Variants in RTTN observed in about 807,000 individuals in gnomAD.
The protein encoded by RTTN is rotatin.
RTTN carries 182 observed loss-of-function variants against 269.2 expected under a neutral mutation model. That is an observed-to-expected ratio of 0.68 (90% CI 0.60 to 0.76). The LOEUF (loss-of-function observed/expected upper bound fraction) is 0.76, where lower values mean the gene tolerates loss of function less well. Ranked by LOEUF, RTTN falls within the 30% of genes least tolerant of loss-of-function variation. The probability of loss-of-function intolerance (pLI) is 0.00; values close to 1 mark genes in which losing one functional copy is unlikely to be tolerated. For missense variants in RTTN, 2,545 were observed against 2,608.6 expected (o/e 0.98, Z 0.53); for synonymous variants, 1,006 against 963.5 (o/e 1.04, Z -0.82).
intron 10 of RTTN, among the ~76,000 whole-genome samples, chr18:70,181,972 A>G (rs2146023778): frequency 6.6e-6 from 1 of 152,300 alleles, no homozygotes; most frequent in South Asian, 2.1e-4. Context: ...TGAATGACTA[A>G]CTTTTACAGA....
At position 70,054,267 on chromosome 18, in the gene RTTN, T is replaced by A. The variant is rs1599300112; in HGVS notation, c.5049A>T (p.Glu1683Asp). The change falls in exon 38 of 49, where the codon GAA becomes GAT. Residue 1683 changes from glutamate to aspartate, a missense_variant. Physicochemically the swap from Glu to Asp is conservative, Grantham distance 45. Coordinates refer to ENST00000640769, the MANE Select transcript of RTTN (RefSeq NM_173630.4). ...HTQAQVSFLLEYLSSLSRLLQ... is the reference protein window; with the variant it reads ...HTQAQVSFLLDYLSSLSRLLQ... ...GAAGCCTGGACAAAGAGGATAGGTA[T>A]TCCAGGAGAAAGGAAACCTGTTTGA... 6.2e-7 allele frequency: 1 copy of A among 1,611,560 alleles called. No homozygotes were observed. Among genetic ancestry groups the A allele is most frequent in the Non-Finnish European group, 8.5e-7 (1 of 1,178,806 alleles).
intron 46 of RTTN, among the ~76,000 whole-genome samples, chr18:70,011,409 T>G (rs956515780): frequency 1.6e-4 from 24 of 152,184 alleles, no homozygotes; most frequent in African/African-American, 5.6e-4. Context: ...GTCCGTTTCA[T>G]CCCTGGGATG....
chr18:70,062,028 A>C (rs1033997488), intron 35 of RTTN, among the ~76,000 whole-genome samples: 1 of 152,228 alleles, frequency 6.6e-6, no homozygotes. Flanking sequence ...AAGTAGTTTC[A>C]GAATTTCTAA....
At chr18:70,177,193 C>A (rs1480012958) in intron 10 of RTTN, among the ~76,000 whole-genome samples, 1 of 152,260 alleles carries the variant, frequency 6.6e-6, no homozygotes, top group South Asian at 2.1e-4. Flanking sequence ...CGTTAACACG[C>A]AAACCCCTCG....
intron 44 of RTTN, among the ~76,000 whole-genome samples, chr18:70,023,668 C>T (rs2056770392): frequency 6.6e-6 from 1 of 152,168 alleles, no homozygotes; most frequent in African/African-American, 2.4e-5. Context: ...CTACTTCTCT[C>T]AATCTCTCCA....
Position 70,003,641 on chromosome 18 carries a change from C to T in RTTN, c.*510G>A, listed in dbSNP as rs968360941. On this transcript the variant is annotated 3_prime_UTR_variant, in exon 49 of 49. Transcript: ENST00000640769. ...TTTCCAGTGTGGATGCTCTGGATAA[C>T]AGAAAGTTTTGAAAATAAGGATTTG... 1 of 152,024 alleles carries T rather than the reference C, an allele frequency of 6.6e-6. No individual in the cohort carries two copies. Among genetic ancestry groups the T allele is most frequent in the Non-Finnish European group, 1.5e-5 (1 of 68,080 alleles). The allele number at this position is 152,024 out of a possible 1,614,324, so 9.4% of individuals were successfully genotyped here.
intron 30 of RTTN, among the ~76,000 whole-genome samples, chr18:70,090,103 G>A (rs1377237761): frequency 6.6e-6 from 1 of 152,168 alleles, no homozygotes; most frequent in Non-Finnish European, 1.5e-5. Context: ...GATTATATCA[G>A]CAAAGACATT....
chr18:70,105,205 C>T (rs975644566), intron 28 of RTTN, among the ~76,000 whole-genome samples: 12 of 152,196 alleles, frequency 7.9e-5, no homozygotes, highest in Admixed American at 3.3e-4. Flanking sequence ...TGGCGGACAC[C>T]CCTCCCCCAG....
Position 70,028,588 on chromosome 18 carries a change from TA to T in RTTN, c.5823+135del, listed in dbSNP as rs1323360815. ...CATTTCTGACAATTAACACTGAGTT[TA>T]AGGACCAATCAACTGTGTGTCTAAA... On this transcript the variant is annotated intron_variant, in intron 43 of 48. Coordinates refer to ENST00000640769, the MANE Select transcript of RTTN (RefSeq NM_173630.4). The T allele has an allele frequency of 5.4e-6, 3 of 555,950 alleles. No homozygotes were observed. In the African/African-American group the frequency reaches 5.7e-5, roughly 11 times the overall value. The allele number at this position is 555,950 out of a possible 1,614,324, so 34.4% of individuals were successfully genotyped here. A position where few individuals can be genotyped will look rare whatever the true frequency, so the allele number is the denominator to read the frequency against.
At chr18:70,151,889 C>G (rs2060548021) in intron 14 of RTTN, among the ~76,000 whole-genome samples, 1 of 152,142 alleles carries the variant, frequency 6.6e-6, no homozygotes, top group Non-Finnish European at 1.5e-5. Flanking sequence ...TTTTTCAGCT[C>G]TCCTTCCCAC....
At chr18:70,066,182 A>C (rs1282087800) in intron 34 of RTTN, among the ~76,000 whole-genome samples, 1 of 152,174 alleles carries the variant, frequency 6.6e-6, no homozygotes, top group Non-Finnish European at 1.5e-5. Context: ...TTAGGAGTTT[A>C]AGGTTCCCAT....
intron 26 of RTTN, among the ~76,000 whole-genome samples, chr18:70,116,919 A>AG (rs900177972): frequency 5.6e-4 from 85 of 151,874 alleles, no homozygotes; most frequent in South Asian, 1.3e-3. Flanking sequence ...CTTCCATCAA[A>AG]AAAATGCATT....
Position 70,150,001 on chromosome 18 carries a change from T to C in RTTN, c.2142A>G (p.Glu714=), listed in dbSNP as rs538234679. ...MTALTWNKFI[E]SLCPVIPILQ... The stretch of plus-strand genomic sequence containing the variant: ...GTATTGGGATGACAGGACAGAGAGA[T>C]TCAATAAACTTGTTCCAGGTCAATG... The change falls in exon 16 of 49, where the codon GAA becomes GAG. Residue 714 remains glutamate (E), a synonymous_variant. Coordinates refer to ENST00000640769, the MANE Select transcript of RTTN (RefSeq NM_173630.4). 6.2e-6 allele frequency: 10 copies of C among 1,612,250 alleles called. No homozygotes were observed. The highest frequency in any genetic ancestry group is 7.6e-6 in the Non-Finnish European group (9 of 1,178,584).
At chr18:70,083,099 C>A (rs1365303998) in intron 32 of RTTN, among the ~76,000 whole-genome samples, 1 of 152,098 alleles carries the variant, frequency 6.6e-6, no homozygotes, top group Admixed American at 6.6e-5. Context: ...CTGTGACACA[C>A]CAAAGACTGA....
At chr18:70,121,848 G>T in intron 25 of RTTN, 148 bp from the exon 26 acceptor site, 1 of 650,420 alleles carries the variant, frequency 1.5e-6, no homozygotes. Context: ...ATGCAAAGTT[G>T]AAACAAACTG....
At chr18:70,115,628 T>C (rs114336697) in intron 26 of RTTN, among the ~76,000 whole-genome samples, 2,497 of 152,024 alleles carry the variant, frequency 0.016, 65 homozygotes, top group African/African-American at 0.057. Flanking sequence ...AGAGGTTAAA[T>C]AATTGTCTAA....
In RTTN at chr18:70,030,501, C is replaced by G. The variant is rs913971373; in HGVS notation, c.5647+375G>C. Among the ~76,000 whole-genome samples the G allele has an allele frequency of 7.3e-4, 111 of 152,246 alleles. 2 individuals carry two copies. Among genetic ancestry groups the G allele is most frequent in the Admixed American group, 7.2e-3 (110 of 15,296 alleles). ...GGAAATTTATACGAAAATATGGAAT[C>G]ATCTGTTGCTGTTTTTACCATCAAA... is the stretch of plus-strand genomic sequence containing the variant. On this transcript the variant is annotated intron_variant, in intron 41 of 48. Coordinates refer to ENST00000640769, the MANE Select transcript of RTTN (RefSeq NM_173630.4).
At chr18:70,069,419 G>T (rs1360718936) in intron 34 of RTTN, among the ~76,000 whole-genome samples, 1 of 152,168 alleles carries the variant, frequency 6.6e-6, no homozygotes, top group Non-Finnish European at 1.5e-5. Context: ...TTGTTCTTCA[G>T]TGTGTTTGTA....
At chr18:70,096,195 C>T (rs1331710878) in intron 28 of RTTN, among the ~76,000 whole-genome samples, 4 of 152,066 alleles carry the variant, frequency 2.6e-5, no homozygotes, top group Non-Finnish European at 5.9e-5. Context: ...TTAGCAATTC[C>T]TCTACCCTTT....
Sources: allele counts gnomAD v4.1 joint callset (sites outside exome capture counted in the v4.1 genomes callset), GRCh38; gene constraint gnomAD v4.1.1; transcripts MANE v1.5; gene names NCBI Gene and HGNC (gene_info 2026-07-23, HGNC 2026-07-21).